Variants in FAT3 observed in about 807,000 individuals in gnomAD.
FAT3 encodes the protein FAT atypical cadherin 3.
FAT3 carries 95 observed loss-of-function variants against 310.2 expected under a neutral mutation model. That is an observed-to-expected ratio of 0.31 (90% CI 0.26 to 0.36). The LOEUF (loss-of-function observed/expected upper bound fraction) is 0.36. Among genes scored for constraint, FAT3 ranks in the 10% least tolerant of loss-of-function variants. FAT3 has a pLI of 1.00. For synonymous variants in FAT3, 2,314 were observed against 2,192.9 expected (o/e 1.06, Z -1.54); for missense variants, 5,408 against 5,715.6 (o/e 0.95, Z 1.74).
chr11:92,321,049 A>C (rs1051823640), intron 1 of FAT3, among the ~76,000 whole-genome samples: 1 of 152,206 alleles, frequency 6.6e-6, no homozygotes, highest in East Asian at 1.9e-4. Context: ...TCCTAGAGAT[A>C]GGAAATTGTA....
rs1225623157 is a variant in FAT3 at position 92,896,304 on chromosome 11, CT to C, written c.*5192del. 1.2e-4 allele frequency: 15 copies of C among 127,154 alleles called. No individual in the cohort carries two copies. The highest frequency in any genetic ancestry group is 3.9e-4 in the African/African-American group (13 of 33,708). 7.9% of individuals were successfully genotyped at this position (127,154 alleles called of 1,614,324 possible). Reference sequence around the variant, plus strand: ...CAGTATTCAGTCTTGTGTTCTTTTTCTAAAAAAAAAGAAAAGAAAAGAAAAA... The same window carrying C: ...CAGTATTCAGTCTTGTGTTCTTTTTCAAAAAAAAAGAAAAGAAAAGAAAAA... On this transcript the variant is annotated 3_prime_UTR_variant, in exon 28 of 28. Transcript: ENST00000525166.
intron 1 of FAT3, among the ~76,000 whole-genome samples, chr11:92,297,874 G>A (rs1425947542): frequency 6.6e-6 from 1 of 152,064 alleles, no homozygotes; most frequent in Non-Finnish European, 1.5e-5. Flanking sequence ...CACAATCTGT[G>A]GCAACTCTTG....
chr11:92,397,577 A>G (rs1390660975), intron 2 of FAT3, among the ~76,000 whole-genome samples: 1 of 152,088 alleles, frequency 6.6e-6, no homozygotes, highest in Admixed American at 6.6e-5. Context: ...CAGACCAGCT[A>G]TTTTTGTTTC....
At chr11:92,677,473 GCAGCAGTTA>G (rs1943324771) in intron 3 of FAT3, among the ~76,000 whole-genome samples, 2 of 152,198 alleles carry the variant, frequency 1.3e-5, no homozygotes, top group Admixed American at 1.3e-4. Flanking sequence ...TTGTCTGATG[GCAGCAGTTA>G]CATCCATCTC....
At chr11:92,764,389 C>T (rs1338364399) in intron 5 of FAT3, among the ~76,000 whole-genome samples, 1 of 152,040 alleles carries the variant, frequency 6.6e-6, no homozygotes, top group African/African-American at 2.4e-5. Flanking sequence ...GGAGGAGCTG[C>T]GAAACACAAC....
intron 2 of FAT3, among the ~76,000 whole-genome samples, chr11:92,462,773 T>C (rs995511810): frequency 6.6e-6 from 1 of 152,232 alleles, no homozygotes; most frequent in East Asian, 1.9e-4. Flanking sequence ...TTTTCCTTTG[T>C]TGATGTGTTT....
chr11:92,558,814 A>G (rs999100006), intron 3 of FAT3, among the ~76,000 whole-genome samples: 4 of 152,076 alleles, frequency 2.6e-5, no homozygotes, highest in Non-Finnish European at 1.5e-5. Flanking sequence ...CCAATTCTTT[A>G]CCTTCATTCA....
rs752114479 is a variant in FAT3 at position 92,883,215 on chromosome 11, G to A, written c.12759G>A (p.Val4253=). The part of the protein sequence containing the change: ...SDSRSNLDKI[V]DGLGGEHQEM... The stretch of plus-strand genomic sequence containing the variant: ...CCAGGAGCAACCTGGATAAGATCGT[G>A]GACGGGCTGGGAGGCGAGCACCAGG... Residue 4253 remains valine, a synonymous_variant, in exon 24 of 28, where the codon GTG becomes GTA. Transcript: ENST00000525166. This position sits in a 1 kb window ranked among gnomAD's most constrained non-coding sequence, Gnocchi z 4.2. The A allele has an allele frequency of 6.2e-7, 1 of 1,613,192 alleles. No homozygotes were observed. Among genetic ancestry groups the A allele is most frequent in the African/African-American group, 1.3e-5 (1 of 75,046 alleles).
chr11:92,592,155 AC>A (rs1370771821), intron 3 of FAT3, among the ~76,000 whole-genome samples: 1 of 152,066 alleles, frequency 6.6e-6, no homozygotes, highest in African/African-American at 2.4e-5. Context: ...TTTTCTGTAA[AC>A]CTAGAAGTGT....
intron 3 of FAT3, among the ~76,000 whole-genome samples, chr11:92,528,562 A>G (rs1202480854): frequency 6.6e-6 from 1 of 152,018 alleles, no homozygotes; most frequent in African/African-American, 2.4e-5. Context: ...AATTTTTTGT[A>G]TTTTTAGTAG....
At chr11:92,252,596 C>A (rs1865177959) in intron 1 of FAT3, among the ~76,000 whole-genome samples, 1 of 152,150 alleles carries the variant, frequency 6.6e-6, no homozygotes, top group Non-Finnish European at 1.5e-5. Flanking sequence ...GCTGCAAGCA[C>A]TGTATTGGAA....
intron 1 of FAT3, among the ~76,000 whole-genome samples, chr11:92,296,689 T>C (rs762463244): frequency 6.6e-6 from 1 of 152,072 alleles, no homozygotes; most frequent in Non-Finnish European, 1.5e-5. Flanking sequence ...GTGAAAAGGC[T>C]CAGCGCGAAA....
Position 92,799,801 on chromosome 11 carries a change from C to T in FAT3, c.6788C>T (p.Ala2263Val). 6.2e-7 allele frequency: 1 copy of T among 1,613,142 alleles called. No homozygotes were observed. The highest frequency in any genetic ancestry group is 8.5e-7 in the Non-Finnish European group (1 of 1,179,524). ...AYKLTIRASDALTGARAEVTV... is the reference protein window; with the variant it reads ...AYKLTIRASDVLTGARAEVTV... ...AAGCTGACAATAAGAGCCAGCGACG[C>T]CCTTACTGGTGCTAGGGCTGAAGTC... The change falls in exon 10 of 28, where the codon GCC (alanine) becomes GTC (valine). Residue 2263 changes from alanine (A) to valine (V), a missense_variant. Around this residue, in one of 5 missense-constraint regions of FAT3, gnomAD observed 4,588 missense variants for 4,809.8 expected, o/e 0.95. Transcript: ENST00000525166.
At chr11:92,792,574 C>T (rs960395572) in intron 8 of FAT3, among the ~76,000 whole-genome samples, 193 bp from the exon 9 acceptor site, 4 of 152,164 alleles carry the variant, frequency 2.6e-5, no homozygotes, top group East Asian at 1.9e-4. Flanking sequence ...GTGTTGTAAA[C>T]CCTGCTCACG....
rs369708327 is a variant in FAT3 at position 92,880,696 on chromosome 11, G to A, written c.12128-35G>A. ...GTCCAAGCACTCAGCCCTAGCAGTG[G>A]CATCCATGGCTCATGAGGTCCTCTG... On this transcript the variant is annotated intron_variant, in intron 22 of 27. Transcript: ENST00000525166. 141 of 1,598,784 alleles carry A rather than the reference G, an allele frequency of 8.8e-5. No individual in the cohort carries two copies. The South Asian group carries it at 1.5e-3, about 17-fold the overall frequency.
intron 1 of FAT3, among the ~76,000 whole-genome samples, chr11:92,333,799 C>T (rs1947982429): frequency 6.6e-6 from 1 of 151,790 alleles, no homozygotes; most frequent in Non-Finnish European, 1.5e-5. Flanking sequence ...ATGTTTGGTA[C>T]TCTCCTCAGT....
At chr11:92,760,417 C>T (rs1946115555) in intron 4 of FAT3, among the ~76,000 whole-genome samples, 1 of 152,152 alleles carries the variant, frequency 6.6e-6, no homozygotes, top group African/African-American at 2.4e-5. Flanking sequence ...TGCTTTGATT[C>T]ACTGTTGTTT....
chr11:92,816,773 C>T (rs1267031081), intron 13 of FAT3, among the ~76,000 whole-genome samples: 1 of 151,994 alleles, frequency 6.6e-6, no homozygotes, highest in Non-Finnish European at 1.5e-5. Flanking sequence ...GTCAGTAGTT[C>T]AAGACCAGCC....
At chr11:92,523,732 T>G (rs1300265217) in intron 2 of FAT3, among the ~76,000 whole-genome samples, 3 of 152,192 alleles carry the variant, frequency 2.0e-5, no homozygotes, top group Non-Finnish European at 4.4e-5. Flanking sequence ...GCCCAGAGTT[T>G]TCCCATCACG....
Sources: allele counts gnomAD v4.1 joint callset (sites outside exome capture counted in the v4.1 genomes callset), GRCh38; gene constraint gnomAD v4.1.1; regional missense constraint gnomAD v4.1.1; non-coding constraint Gnocchi (gnomAD v3.1); transcripts MANE v1.5; gene names NCBI Gene and HGNC (gene_info 2026-07-23, HGNC 2026-07-21).